CNTN5: variants seen among roughly 807,000 people sequenced by gnomAD.
CNTN5 encodes the protein contactin-5.
CNTN5 carries 77 observed loss-of-function variants against 129.1 expected under a neutral mutation model. The observed-to-expected ratio is 0.60, with a 90% CI of 0.50 to 0.72. The LOEUF is 0.72. CNTN5 is among the 30% of genes least tolerant of loss of function. The pLI is 0.00. For synonymous variants in CNTN5, 509 were observed against 465.6 expected, an observed-to-expected ratio of 1.09 and a Z score of -1.20; for missense variants, 1,478 against 1,328.8, an observed-to-expected ratio of 1.11 and a Z score of -1.75.
At chr11:99,506,154 A>G (rs1946609341) in intron 2 of CNTN5, among the ~76,000 whole-genome samples, 1 of 152,210 alleles carries the variant, frequency 6.6e-6, no homozygotes, top group African/African-American at 2.4e-5. Flanking sequence ...TGATCCATGA[A>G]TCTGAATGGT....
intron 3 of CNTN5, among the ~76,000 whole-genome samples, chr11:99,671,911 TAAAC>T (rs1413978981): frequency 6.6e-6 from 1 of 152,156 alleles, no homozygotes; most frequent in East Asian, 1.9e-4. Flanking sequence ...CACACTCACA[TAAAC>T]ACACACACCT....
intron 1 of CNTN5, among the ~76,000 whole-genome samples, chr11:99,133,438 G>A (rs1555054183): frequency 1.3e-5 from 2 of 151,794 alleles, no homozygotes; most frequent in East Asian, 1.9e-4. Context: ...TTTTTGCATA[G>A]CAAAAGAAAC....
chr11:100,098,184 C>T (rs890123883), intron 13 of CNTN5, among the ~76,000 whole-genome samples: 5 of 151,820 alleles, frequency 3.3e-5, no homozygotes, highest in Non-Finnish European at 5.9e-5. Context: ...AGGGACATCT[C>T]AACATGAATT....
rs185526344 is a variant in CNTN5, at chr11:99,311,643, A to G, written c.-209-13703A>G. On this transcript the variant is annotated intron_variant, in intron 1 of 24. Transcript: ENST00000524871. ...TTTGCCAAAGGTATAAATAATACTT[A>G]ATGTCAAATTTATTTTCAAGTGGTT... Among the ~76,000 whole-genome samples, 630 of 152,308 alleles carry G rather than the reference A, an allele frequency of 4.1e-3. 4 individuals are homozygous for G. The highest frequency in any genetic ancestry group is 3.7e-3 in the Non-Finnish European group (255 of 68,016).
intron 9 of CNTN5, among the ~76,000 whole-genome samples, chr11:100,056,967 C>T (rs190164201): frequency 6.6e-6 from 1 of 151,236 alleles, no homozygotes; most frequent in Admixed American, 6.6e-5. Flanking sequence ...TACTTTTTTC[C>T]CAATAACATG....
In CNTN5 at chr11:99,623,580, TGAA is replaced by T. The variant is rs558657773; in HGVS notation, c.55+67316_55+67318del. Among the ~76,000 whole-genome samples the T allele has an allele frequency of 2.3e-3, 354 of 152,024 alleles. 1 individual carries two copies. The highest frequency in any genetic ancestry group is 6.8e-3 in the Middle Eastern group (2 of 294). ...AGATAAATTACTGTGACAAAGAAAA[TGAA>T]GAAGGCCATATTCTCACCCACAAAC... On this transcript the variant is annotated intron_variant, in intron 3 of 24. Coordinates refer to ENST00000524871, the MANE Select transcript of CNTN5 (RefSeq NM_014361.4).
intron 1 of CNTN5, among the ~76,000 whole-genome samples, chr11:99,172,431 C>A (rs2135543898): frequency 6.6e-6 from 1 of 152,158 alleles, no homozygotes; most frequent in East Asian, 1.9e-4. Flanking sequence ...AAATGTATTG[C>A]ACCTTTTGAT....
chr11:100,172,544 G>A (rs1321160883), intron 13 of CNTN5, among the ~76,000 whole-genome samples: 4 of 151,868 alleles, frequency 2.6e-5, no homozygotes, highest in Non-Finnish European at 1.5e-5. Flanking sequence ...AGGAATCTGG[G>A]AACATTGCCT....
Position 99,811,656 on chromosome 11 carries a change from G to A in CNTN5, c.56-7888G>A, listed in dbSNP as rs191999090. Among the ~76,000 whole-genome samples the A allele has an allele frequency of 2.0e-3, 297 of 151,918 alleles. 1 individual carries two copies. Among genetic ancestry groups the A allele is most frequent in the African/African-American group, 6.2e-3 (258 of 41,488 alleles). On this transcript the variant is annotated intron_variant, in intron 3 of 24. Coordinates refer to ENST00000524871, the MANE Select transcript of CNTN5 (RefSeq NM_014361.4). ...ATGGAGTACAGTTTTATTAAATAATGCAAGTTCAGTTGTCCCAGGGTCATT... is the reference window on the plus strand; with the variant it reads ...ATGGAGTACAGTTTTATTAAATAATACAAGTTCAGTTGTCCCAGGGTCATT...
At chr11:100,200,486 T>TA (rs1948751913) in intron 15 of CNTN5, among the ~76,000 whole-genome samples, 1 of 151,942 alleles carries the variant, frequency 6.6e-6, no homozygotes, top group Non-Finnish European at 1.5e-5. Context: ...GTTTTATCTT[T>TA]ATGACAGGTC....
At chr11:99,786,071 G>C (rs951947188) in intron 3 of CNTN5, among the ~76,000 whole-genome samples, 33 of 152,034 alleles carry the variant, frequency 2.2e-4, no homozygotes, top group African/African-American at 6.5e-4. Flanking sequence ...AATTGTGTCT[G>C]TTTGCAGATC....
intron 1 of CNTN5, among the ~76,000 whole-genome samples, chr11:99,223,152 C>T (rs750488581): frequency 1.2e-4 from 18 of 152,150 alleles, no homozygotes; most frequent in Non-Finnish European, 2.1e-4. Flanking sequence ...TCTGCCCACA[C>T]ACTTCATCCT....
chr11:99,813,137 A>C (rs979378182), intron 3 of CNTN5, among the ~76,000 whole-genome samples: 2 of 152,240 alleles, frequency 1.3e-5, no homozygotes, highest in South Asian at 4.1e-4. Flanking sequence ...TTCATTAAAA[A>C]GTTATTGAAA....
intron 15 of CNTN5, 58 bp from the exon 16 acceptor site, chr11:100,224,634 C>G: frequency 1.3e-6 from 2 of 1,542,916 alleles, no homozygotes; most frequent in Admixed American, 3.5e-5. Context: ...CCCCCTTAAG[C>G]CACCTTGAAC....
chr11:100,237,422 C>T (rs766116479), intron 16 of CNTN5, among the ~76,000 whole-genome samples: 37 of 152,090 alleles, frequency 2.4e-4, no homozygotes, highest in Non-Finnish European at 4.7e-4. Context: ...GTAGTCTGGT[C>T]CCAGAATGCT....
intron 3 of CNTN5, among the ~76,000 whole-genome samples, chr11:99,797,098 T>C (rs970319694): frequency 2.6e-5 from 4 of 152,128 alleles, no homozygotes; most frequent in Non-Finnish European, 5.9e-5. Context: ...CCCTCCTGGC[T>C]ACATCTAGTC....
chr11:99,397,738 G>A (rs572186723), intron 2 of CNTN5, among the ~76,000 whole-genome samples: 1 of 151,728 alleles, frequency 6.6e-6, no homozygotes, highest in Admixed American at 6.6e-5. Flanking sequence ...ATTACAAGAT[G>A]TTTCAGGCTC....
At chr11:99,770,792 G>A (rs547087609) in intron 3 of CNTN5, among the ~76,000 whole-genome samples, 50 of 151,956 alleles carry the variant, frequency 3.3e-4, no homozygotes, top group African/African-American at 1.1e-3. Context: ...ATTTTTTACA[G>A]TTATTAGAAA....
At chr11:99,094,560 G>T (rs184430852) in intron 1 of CNTN5, among the ~76,000 whole-genome samples, 2 of 152,050 alleles carry the variant, frequency 1.3e-5, no homozygotes, top group East Asian at 1.9e-4. Context: ...TATCTTAAAA[G>T]ATAAGACAGC....
Sources: gnomAD v4.1 joint callset for allele counts (sites outside exome capture counted in the v4.1 genomes callset) on GRCh38, gnomAD v4.1.1 for gene constraint, MANE v1.5 for transcripts, NCBI Gene and HGNC (gene_info 2026-07-23, HGNC 2026-07-21) for gene names.